Variants in HDAC4 observed in about 807,000 individuals in gnomAD.
HDAC4 encodes histone deacetylase 4.
HDAC4 carries 16 observed loss-of-function variants against 135.1 expected under a neutral mutation model. The observed-to-expected ratio is 0.12, with a 90% CI of 0.08 to 0.18. The LOEUF (loss-of-function observed/expected upper bound fraction) is 0.18, where lower values mean the gene tolerates loss of function less well. Among genes scored for constraint, HDAC4 ranks in the 10% least tolerant of loss-of-function variants. The pLI is 1.00. For missense variants in HDAC4, 1,143 were observed against 1,511.8 expected, an observed-to-expected ratio of 0.76 and a Z score of 4.05; for synonymous variants, 685 against 653.4, an observed-to-expected ratio of 1.05 and a Z score of -0.74.
chr2:239,287,774 G>A (rs1248367623), intron 2 of HDAC4, among the ~76,000 whole-genome samples: 2 of 152,232 alleles, frequency 1.3e-5, no homozygotes, highest in African/African-American at 4.8e-5. Context: ...AAGTCATGTT[G>A]TAAATGAAAA....
intron 4 of HDAC4, among the ~76,000 whole-genome samples, chr2:239,186,021 A>T (rs966438490): frequency 6.6e-6 from 1 of 152,088 alleles, no homozygotes; most frequent in Non-Finnish European, 1.5e-5. Context: ...GCAACAGTTG[A>T]GCGAGACTGC....
At chr2:239,301,479 T>TTA (rs577443838) in intron 2 of HDAC4, among the ~76,000 whole-genome samples, 24,632 of 150,172 alleles carry the variant, frequency 0.16, 2,383 homozygotes, top group East Asian at 0.31. Flanking sequence ...TTCTTTTTTT[T>TTA]TTTTTTTATT....
chr2:239,260,019 GAC>G (rs2049261188), intron 2 of HDAC4, among the ~76,000 whole-genome samples: 1 of 152,266 alleles, frequency 6.6e-6, no homozygotes, highest in Admixed American at 6.5e-5. Flanking sequence ...GGAGCCAGAT[GAC>G]ACCGCTCCCT....
rs773649099 is a variant in HDAC4, at chr2:239,163,962, C to G, written c.491-39G>C. 7 of 1,613,364 alleles carry G rather than the reference C, an allele frequency of 4.3e-6. No homozygotes were observed. In the South Asian group the frequency reaches 7.7e-5, roughly 18 times the overall value. On this transcript the variant is annotated intron_variant, in intron 5 of 26. Transcript: ENST00000543185. ...AAGCATAGCAGGGGGTGAAGTGTGGCTCTGCCCTACAGCAGCAATGCAGGG... is the reference window on the plus strand; with the variant it reads ...AAGCATAGCAGGGGGTGAAGTGTGGGTCTGCCCTACAGCAGCAATGCAGGG...
At chr2:239,059,531 G>C (rs2032364718) in intron 24 of HDAC4, among the ~76,000 whole-genome samples, 1 of 152,150 alleles carries the variant, frequency 6.6e-6, no homozygotes, top group Non-Finnish European at 1.5e-5. Context: ...CTTAACTCTT[G>C]CCAAGAAATC....
At chr2:239,364,563 G>GC (rs1322994757) in intron 1 of HDAC4, among the ~76,000 whole-genome samples, 3 of 147,568 alleles carry the variant, frequency 2.0e-5, no homozygotes, top group Non-Finnish European at 3.1e-5. Context: ...GGGAGCGGTG[G>GC]CGGGGGGAAC....
At chr2:239,199,644 T>C (rs1301586944) in intron 3 of HDAC4, among the ~76,000 whole-genome samples, 1 of 152,136 alleles carries the variant, frequency 6.6e-6, no homozygotes, top group East Asian at 1.9e-4. Context: ...AGCCCCGTGG[T>C]TGGATCGGGC....
intron 2 of HDAC4, among the ~76,000 whole-genome samples, chr2:239,269,675 T>A (rs1195773313): frequency 6.6e-6 from 1 of 152,194 alleles, no homozygotes; most frequent in African/African-American, 2.4e-5. Flanking sequence ...CAAGTACTGG[T>A]CACCTCGTGG....
intron 2 of HDAC4, among the ~76,000 whole-genome samples, chr2:239,243,723 T>C (rs911883189): frequency 1.3e-5 from 2 of 152,182 alleles, no homozygotes; most frequent in African/African-American, 4.8e-5. Context: ...ATAGAAAAAT[T>C]AAAGCTAGTA....
At position 239,099,219 on chromosome 2, in the gene HDAC4, T is replaced by G. The variant is rs184092521; in HGVS notation, c.2233+3557A>C. Among the ~76,000 whole-genome samples the G allele has an allele frequency of 7.7e-4, 117 of 152,300 alleles. No individual in the cohort carries two copies. The Middle Eastern group carries it at 0.014, about 18-fold the overall frequency. On this transcript the variant is annotated intron_variant, in intron 16 of 26. Coordinates refer to ENST00000543185, the MANE Select transcript of HDAC4 (RefSeq NM_001378414.1). ...CCTCCGCCCACTGAATTCCACAGGT[T>G]TGAAAGACTGAAGGTGGTAGGGGAT... is the stretch of plus-strand genomic sequence containing the variant.
intron 1 of HDAC4, among the ~76,000 whole-genome samples, chr2:239,378,895 GA>G (rs1194702267): frequency 6.6e-6 from 1 of 152,152 alleles, no homozygotes; most frequent in Non-Finnish European, 1.5e-5. Flanking sequence ...AGGCCTCCTC[GA>G]AGACTGCCAA....
intron 24 of HDAC4, among the ~76,000 whole-genome samples, chr2:239,059,341 G>GA (rs1339889989): frequency 6.6e-6 from 1 of 152,046 alleles, no homozygotes; most frequent in African/African-American, 2.4e-5. Context: ...ATTCTGAAAA[G>GA]AAAAAAGGAT....
Position 239,156,768 on chromosome 2 carries a change from G to C in HDAC4, c.617C>G (p.Thr206Arg). 1 of 1,614,096 alleles carries C rather than the reference G, an allele frequency of 6.2e-7. No homozygotes were observed. Among genetic ancestry groups the C allele is most frequent in the Non-Finnish European group, 8.5e-7 (1 of 1,180,014 alleles). ...SSDPRYWYGK[T>R]QHSSLDQSSP... The stretch of plus-strand genomic sequence containing the variant: ...ACTCTGGTCAAGGGAACTGTGCTGC[G>C]TTTTCCTGGAGAGAAGGCAAAGACA... The change falls in exon 7 of 27, where the codon ACG becomes AGG. Residue 206 changes from threonine (T) to arginine (R), a missense_variant. Physicochemically the swap from Thr to Arg is moderately conservative, Grantham distance 71. This residue lies in a region of HDAC4 where 247 missense variants were observed against 310.0 expected (regional missense o/e 0.80). Transcript: ENST00000543185.
chr2:239,159,683 T>G (rs1164714284), intron 6 of HDAC4, among the ~76,000 whole-genome samples: 1 of 151,616 alleles, frequency 6.6e-6, no homozygotes, highest in African/African-American at 2.4e-5. Context: ...CAGCCCACAC[T>G]CACACTCACC....
rs1046720005 is a variant in HDAC4, at chr2:239,049,769, G to A, written c.*3328C>T. On this transcript the variant is annotated 3_prime_UTR_variant, in exon 27 of 27. Transcript: ENST00000543185. ...CAGAGCCCTGGGACGCTGGGGAGGG[G>A]CGGCCAGTCCCAGCGGGCCACGGCC... The A allele has an allele frequency of 6.6e-6, 1 of 152,262 alleles. No individual in the cohort carries two copies. Among genetic ancestry groups the A allele is most frequent in the Non-Finnish European group, 1.5e-5 (1 of 68,030 alleles). The allele number at this position is 152,262 out of a possible 1,614,324, so 9.4% of individuals were successfully genotyped here.
intron 2 of HDAC4, among the ~76,000 whole-genome samples, chr2:239,346,691 A>C (rs1267905314): frequency 6.7e-6 from 1 of 148,544 alleles, no homozygotes; most frequent in East Asian, 2.0e-4. Context: ...CACTGTCTAA[A>C]ACACACACCC....
chr2:239,375,836 G>A (rs1044016768), intron 1 of HDAC4, among the ~76,000 whole-genome samples: 1 of 152,220 alleles, frequency 6.6e-6, no homozygotes, highest in African/African-American at 2.4e-5. Flanking sequence ...CCGACTGCAG[G>A]CAATCTTGCC....
chr2:239,385,191 T>A (rs547240867), intron 1 of HDAC4, among the ~76,000 whole-genome samples: 4 of 152,062 alleles, frequency 2.6e-5, no homozygotes, highest in Non-Finnish European at 5.9e-5. Flanking sequence ...CTCCCCAGCA[T>A]CCCCAGCACC....
chr2:239,390,420 G>A (rs912836846), intron 1 of HDAC4, among the ~76,000 whole-genome samples: 2 of 152,194 alleles, frequency 1.3e-5, no homozygotes, highest in African/African-American at 4.8e-5. Flanking sequence ...TTTGGTTCCA[G>A]CTAATCAGGC....
Sources: allele counts gnomAD v4.1 joint callset (sites outside exome capture counted in the v4.1 genomes callset), GRCh38; gene constraint gnomAD v4.1.1; regional missense constraint gnomAD v4.1.1; transcripts MANE v1.5; gene names NCBI Gene and HGNC (gene_info 2026-07-23, HGNC 2026-07-21).